FER1L6: variants seen among roughly 807,000 people sequenced by gnomAD.
FER1L6 encodes the protein fer-1 like family member 6, also known as fer-1-like protein 6.
FER1L6 carries 177 observed loss-of-function variants against 219.2 expected under a neutral mutation model. That is an observed-to-expected ratio of 0.81 (90% CI 0.71 to 0.91). The LOEUF is 0.91. Ranked by LOEUF, FER1L6 falls within the 40% of genes least tolerant of loss-of-function variation. FER1L6 has a pLI of 0.00. For synonymous variants in FER1L6, 768 were observed against 824.3 expected, an observed-to-expected ratio of 0.93 and a Z score of 1.17; for missense variants, 2,153 against 2,259.9, an observed-to-expected ratio of 0.95 and a Z score of 0.96.
Position 124,039,881 on chromosome 8 carries a change from G to A in FER1L6, c.2465-1G>A. The A allele has an allele frequency of 1.9e-6, 3 of 1,614,072 alleles. No homozygotes were observed. The highest frequency in any genetic ancestry group is 1.7e-5 in the Admixed American group (1 of 60,014). The stretch of plus-strand genomic sequence containing the variant: ...TGCCCCCTTCCATGATTTGTCCACA[G>A]AACAGCATGTTTTTCAGCTGAGGGC... On this transcript the variant is annotated splice_acceptor_variant, in intron 19 of 40. Coordinates refer to ENST00000522917, the MANE Select transcript of FER1L6 (RefSeq NM_001039112.2). LOFTEE classifies it high-confidence loss of function.
chr8:123,998,186 G>A (rs1817222952), intron 12 of FER1L6, among the ~76,000 whole-genome samples: 2 of 152,146 alleles, frequency 1.3e-5, no homozygotes. Flanking sequence ...GGACTTGGGA[G>A]TTGTGATCTA....
chr8:123,906,036 A>T (rs1294820959), intron 1 of FER1L6, among the ~76,000 whole-genome samples: 2 of 152,172 alleles, frequency 1.3e-5, no homozygotes, highest in African/African-American at 4.8e-5. Flanking sequence ...ACAGGCAGGT[A>T]AGGTTATGCA....
chr8:123,897,970 CCA>C (rs1812774320), intron 1 of FER1L6, among the ~76,000 whole-genome samples: 1 of 152,038 alleles, frequency 6.6e-6, no homozygotes, highest in Non-Finnish European at 1.5e-5. Flanking sequence ...TGATTCCGTT[CCA>C]ATTTAACTTT....
intron 18 of FER1L6, among the ~76,000 whole-genome samples, chr8:124,024,196 AT>A (rs201365446): frequency 0.096 from 13,690 of 142,266 alleles, 1,239 homozygotes; most frequent in African/African-American, 0.24. Context: ...GTACTTGGCC[AT>A]TTTTTTTTTT....
intron 1 of FER1L6, among the ~76,000 whole-genome samples, chr8:123,858,952 A>G (rs902500398): frequency 6.6e-6 from 1 of 152,186 alleles, no homozygotes; most frequent in Non-Finnish European, 1.5e-5. Context: ...TTAATTGACA[A>G]ATAATTGTGT....
intron 12 of FER1L6, among the ~76,000 whole-genome samples, chr8:123,999,153 G>A (rs939185575): frequency 9.9e-5 from 15 of 152,156 alleles, no homozygotes; most frequent in East Asian, 7.8e-4. Flanking sequence ...AGTTAACACC[G>A]CTGGGAATGT....
intron 1 of FER1L6, among the ~76,000 whole-genome samples, chr8:123,881,647 G>A (rs1391547278): frequency 2.0e-5 from 3 of 152,190 alleles, no homozygotes; most frequent in Non-Finnish European, 4.4e-5. Flanking sequence ...AAAGGGTAAA[G>A]CTTCAATACC....
intron 1 of FER1L6, among the ~76,000 whole-genome samples, chr8:123,889,816 G>T (rs1276791144): frequency 6.6e-6 from 1 of 152,004 alleles, no homozygotes; most frequent in Non-Finnish European, 1.5e-5. Context: ...TATGTTTTTG[G>T]AAAGGAAGGT....
chr8:124,092,727 A>G (rs1228984486), intron 34 of FER1L6, among the ~76,000 whole-genome samples: 1 of 152,202 alleles, frequency 6.6e-6, no homozygotes, highest in Non-Finnish European at 1.5e-5. Flanking sequence ...GAAGCATGGT[A>G]GCATCCGCTT....
intron 39 of FER1L6, among the ~76,000 whole-genome samples, chr8:124,113,613 A>G (rs899320604): frequency 2.6e-5 from 4 of 152,202 alleles, no homozygotes; most frequent in African/African-American, 9.6e-5. Flanking sequence ...AGACTCAATC[A>G]TGGTTTATGT....
At chr8:123,961,125 G>T (rs1458303972) in intron 2 of FER1L6, among the ~76,000 whole-genome samples, 2 of 152,106 alleles carry the variant, frequency 1.3e-5, no homozygotes, top group East Asian at 3.9e-4. Flanking sequence ...ACCGGTTGTG[G>T]TGGAGTGTGC....
chr8:124,114,687 G>A (rs1823160105), intron 39 of FER1L6, among the ~76,000 whole-genome samples: 1 of 151,674 alleles, frequency 6.6e-6, no homozygotes, highest in South Asian at 2.1e-4. Context: ...TAGCTATCCA[G>A]AAATGGAATT....
intron 2 of FER1L6, among the ~76,000 whole-genome samples, chr8:123,961,880 CTT>C (rs1295109025): frequency 7.0e-5 from 9 of 129,186 alleles, no homozygotes; most frequent in Admixed American, 2.4e-4. Flanking sequence ...TGTTTGTTTT[CTT>C]TTTTTTTTTT....
intron 32 of FER1L6, among the ~76,000 whole-genome samples, chr8:124,081,942 T>C (rs1196095731): frequency 6.6e-6 from 1 of 152,246 alleles, no homozygotes; most frequent in Non-Finnish European, 1.5e-5. Context: ...CCCAAAGTTT[T>C]ACAATCAGGA....
At chr8:124,118,692 A>C in intron 39 of FER1L6, 152 bp from the exon 40 acceptor site, 2 of 672,462 alleles carry the variant, frequency 3.0e-6, no homozygotes, top group Non-Finnish European at 5.0e-6. Flanking sequence ...TTCTCCCAGG[A>C]CCAAAAAAAG....
intron 1 of FER1L6, among the ~76,000 whole-genome samples, chr8:123,877,556 C>T (rs1429105656): frequency 6.6e-6 from 1 of 152,098 alleles, no homozygotes; most frequent in Non-Finnish European, 1.5e-5. Flanking sequence ...CATGAGAAGG[C>T]TGTCATCCCC....
At chr8:124,017,605 A>G in intron 15 of FER1L6, 23 bp from the exon 16 acceptor site, 1 of 1,576,722 alleles carries the variant, frequency 6.3e-7, no homozygotes. Flanking sequence ...GTAGGTTTCA[A>G]AATTGTTATT....
chr8:123,853,362 C>T lies in FER1L6; in HGVS notation c.-8+1177C>T, dbSNP rs1438808028. ...AGAAGACGGGGTTTCACCATGACGG[C>T]CAGGATGGTCTCAAACTTCTGACCT... On this transcript the variant is annotated intron_variant, in intron 1 of 40. Transcript: ENST00000522917. The surrounding 1 kb of genome is among the most constrained non-coding windows in gnomAD (Gnocchi z 6.6). Among the ~76,000 whole-genome samples, 1 of 151,840 alleles carries T rather than the reference C, an allele frequency of 6.6e-6. No individual in the cohort carries two copies. The highest frequency in any genetic ancestry group is 2.4e-5 in the African/African-American group (1 of 41,282).
chr8:123,969,878 A>C lies in FER1L6; in HGVS notation c.385-157A>C, dbSNP rs542217300. Among the ~76,000 whole-genome samples the C allele has an allele frequency of 1.3e-4, 20 of 151,842 alleles. No individual in the cohort carries two copies. In the South Asian group the frequency reaches 3.7e-3, roughly 28 times the overall value. ...CAAAACCCTGTCTCCAAAAAAAAAA[A>C]AAAAAAAAGAGAATTGACAATTGAC... is the stretch of plus-strand genomic sequence containing the variant. On this transcript the variant is annotated intron_variant, in intron 5 of 40. Coordinates refer to ENST00000522917, the MANE Select transcript of FER1L6 (RefSeq NM_001039112.2).
Sources: allele counts gnomAD v4.1 joint callset (sites outside exome capture counted in the v4.1 genomes callset), GRCh38; gene constraint gnomAD v4.1.1; non-coding constraint Gnocchi (gnomAD v3.1); transcripts MANE v1.5; gene names NCBI Gene and HGNC (gene_info 2026-07-23, HGNC 2026-07-21).